Variants in PTPRN2 observed in about 807,000 individuals in gnomAD.
PTPRN2 encodes receptor-type tyrosine-protein phosphatase N2.
In PTPRN2, 74 loss-of-function variants were observed where a neutral mutation model predicts 118.8. That is an observed-to-expected ratio of 0.62 (90% confidence interval 0.52 to 0.76). The LOEUF (loss-of-function observed/expected upper bound fraction) is 0.76, where lower values mean the gene tolerates loss of function less well. Among genes scored for constraint, PTPRN2 ranks in the 30% least tolerant of loss-of-function variants. PTPRN2 has a pLI of 0.00. For synonymous variants in PTPRN2, 641 were observed against 608.0 expected (o/e 1.05, Z -0.80); for missense variants, 1,481 against 1,394.4 (o/e 1.06, Z -0.99).
At chr7:158,150,468 G>A (rs1161718637) in intron 6 of PTPRN2, among the ~76,000 whole-genome samples, 4 of 152,218 alleles carry the variant, frequency 2.6e-5, no homozygotes, top group African/African-American at 9.6e-5. Flanking sequence ...GCAGCAGGCG[G>A]ATGTTCCTGT....
Position 157,898,607 on chromosome 7 carries a change from G to A in PTPRN2, c.1788+66C>T, listed in dbSNP as rs921867615. ...CTGCAGGTCCAGCCTCTGTTCTCAC[G>A]GTGTTCGCCAGCACCCAGACAGCAC... On this transcript the variant is annotated intron_variant, in intron 12 of 22. Transcript: ENST00000389418. 96 of 1,453,656 alleles carry A rather than the reference G, an allele frequency of 6.6e-5. 2 individuals are homozygous for A. The Middle Eastern group carries it at 9.2e-4, about 14-fold the overall frequency. The allele number at this position is 1,453,656 out of a possible 1,614,324, so 90.0% of individuals were successfully genotyped here. A position where few individuals can be genotyped will look rare whatever the true frequency, so the allele number is the denominator to read the frequency against.
chr7:157,772,286 CACAA>C (rs1802906500), intron 12 of PTPRN2, among the ~76,000 whole-genome samples: 1 of 80,506 alleles, frequency 1.2e-5, no homozygotes, highest in Non-Finnish European at 2.1e-5. Flanking sequence ...TACACAGACA[CACAA>C]ACACACAGAC....
chr7:158,236,428 G>A lies in PTPRN2; in HGVS notation c.278-31155C>T, dbSNP rs553354577. Among the ~76,000 whole-genome samples, 146 of 152,264 alleles carry A rather than the reference G, an allele frequency of 9.6e-4. 1 individual carries two copies. Among genetic ancestry groups the A allele is most frequent in the Non-Finnish European group, 1.8e-3 (124 of 68,022 alleles). ...CATTCAGAAGCCACACCAGACAAAC[G>A]TTGAGGGGTGGGTAAGGCTGCCTGG... is the stretch of plus-strand genomic sequence containing the variant. On this transcript the variant is annotated intron_variant, in intron 3 of 22. Transcript: ENST00000389418.
At position 157,691,067 on chromosome 7, in the gene PTPRN2, T is replaced by TACC. The variant is rs1491213762; in HGVS notation, c.1789-8131_1789-8130insGGT. ...CCAGCCACCGGTTGCTATAGCGATG[T>TACC]CCCCCCCCCCCCCCACATGTTGCTG... is the stretch of plus-strand genomic sequence containing the variant. On this transcript the variant is annotated intron_variant, in intron 12 of 22. Transcript: ENST00000389418. Among the ~76,000 whole-genome samples the TACC allele has an allele frequency of 9.0e-5, 4 of 44,486 alleles. No individual in the cohort carries two copies. In the South Asian group the frequency reaches 2.3e-3, roughly 26 times the overall value. The allele number at this position is 44,486 out of a possible 152,430, so 29.2% of individuals were successfully genotyped here.
intron 21 of PTPRN2, among the ~76,000 whole-genome samples, chr7:157,554,700 C>G (rs534780557): frequency 6.6e-6 from 1 of 152,150 alleles, no homozygotes; most frequent in Non-Finnish European, 1.5e-5. Flanking sequence ...TGCAAACAGT[C>G]GAGGAGTCAG....
chr7:158,460,387 G>T (rs4313103), intron 2 of PTPRN2, among the ~76,000 whole-genome samples: 46 of 32,098 alleles, frequency 1.4e-3, no homozygotes, highest in Non-Finnish European at 2.4e-3. Flanking sequence ...TGCTACAGGG[G>T]CTGTGTGCCA....
At chr7:157,758,424 C>T (rs1347129173) in intron 12 of PTPRN2, among the ~76,000 whole-genome samples, 1 of 151,868 alleles carries the variant, frequency 6.6e-6, no homozygotes, top group Non-Finnish European at 1.5e-5. Flanking sequence ...TGGCACGAGG[C>T]CACACAGCTG....
chr7:157,622,755 A>G lies in PTPRN2; in HGVS notation c.2197-1246T>C, dbSNP rs999662152. 6.6e-6 allele frequency among the ~76,000 whole-genome samples: 1 copy of G among 152,136 alleles called. No individual in the cohort carries two copies. Among genetic ancestry groups the G allele is most frequent in the Non-Finnish European group, 1.5e-5 (1 of 68,026 alleles). On this transcript the variant is annotated intron_variant, in intron 14 of 22. Coordinates refer to ENST00000389418, the MANE Select transcript of PTPRN2 (RefSeq NM_002847.5). The surrounding 1 kb of genome is among the most constrained non-coding windows in gnomAD (Gnocchi z 5.3). The stretch of plus-strand genomic sequence containing the variant: ...CGCCTGGCTCAGGGTGGGCACTCTA[A>G]GGCCGTCTGTTGGGAGGTCCCAGGT...
At chr7:157,807,403 T>C (rs4716782) in intron 12 of PTPRN2, among the ~76,000 whole-genome samples, 49,993 of 152,076 alleles carry the variant, frequency 0.33, 9,908 homozygotes, top group African/African-American at 0.56. Context: ...AGAGCAGGAA[T>C]AGCACTCCCT....
At chr7:158,072,937 C>T (rs1002884170) in intron 11 of PTPRN2, among the ~76,000 whole-genome samples, 2 of 152,174 alleles carry the variant, frequency 1.3e-5, no homozygotes, top group African/African-American at 2.4e-5. Context: ...CCAAGGGGCC[C>T]ATAGGTATGG....
intron 2 of PTPRN2, among the ~76,000 whole-genome samples, chr7:158,322,764 G>A (rs1803145185): frequency 6.6e-6 from 1 of 152,270 alleles, no homozygotes; most frequent in Non-Finnish European, 1.5e-5. Context: ...CATCCCAGGA[G>A]CTAGAGGAGG....
chr7:158,031,679 T>G (rs191785966), intron 11 of PTPRN2, among the ~76,000 whole-genome samples: 1 of 152,336 alleles, frequency 6.6e-6, no homozygotes, highest in African/African-American at 2.4e-5. Flanking sequence ...TCAGCCACAC[T>G]TTCCAGAAGG....
At chr7:158,175,796 C>T (rs558029571) in intron 5 of PTPRN2, among the ~76,000 whole-genome samples, 1 of 152,256 alleles carries the variant, frequency 6.6e-6, no homozygotes, top group Admixed American at 6.5e-5. Flanking sequence ...AAATTTGTAG[C>T]GAGTTGACAG....
intron 21 of PTPRN2, among the ~76,000 whole-genome samples, chr7:157,558,666 G>A (rs1371074530): frequency 6.6e-6 from 1 of 152,246 alleles, no homozygotes; most frequent in Admixed American, 6.5e-5. Context: ...GAAGCATGCA[G>A]CCAGCTCCCC....
intron 3 of PTPRN2, among the ~76,000 whole-genome samples, chr7:158,255,702 G>A (rs533674956): frequency 5.9e-5 from 9 of 152,192 alleles, no homozygotes; most frequent in Non-Finnish European, 1.0e-4. Flanking sequence ...TGTGCTGTCC[G>A]CCGCACCCTT....
intron 2 of PTPRN2, among the ~76,000 whole-genome samples, chr7:158,441,257 G>A (rs1327067805): frequency 3.3e-5 from 3 of 90,010 alleles, no homozygotes; most frequent in Non-Finnish European, 5.9e-5. Flanking sequence ...TGATGGTGAT[G>A]GTGATGGTGA....
chr7:158,519,406 T>C lies in PTPRN2; in HGVS notation c.113-29621A>G, dbSNP rs141457311. On this transcript the variant is annotated intron_variant, in intron 1 of 22. Coordinates refer to ENST00000389418, the MANE Select transcript of PTPRN2 (RefSeq NM_002847.5). ...AGTCTATAAATAAGTAAAGAGGTGC[T>C]AGGGCTGAGTCAGAAGTGCCGATTC... 3.3e-5 allele frequency among the ~76,000 whole-genome samples: 5 copies of C among 152,234 alleles called. No homozygotes were observed. The East Asian group carries it at 7.7e-4, about 23-fold the overall frequency.
At chr7:158,068,026 C>T (rs912021580) in intron 11 of PTPRN2, among the ~76,000 whole-genome samples, 32 of 151,998 alleles carry the variant, frequency 2.1e-4, no homozygotes, top group Non-Finnish European at 3.2e-4. Flanking sequence ...ATGGCAGGAC[C>T]GGGTATGGGG....
chr7:158,085,631 C>T (rs536047551), intron 10 of PTPRN2, among the ~76,000 whole-genome samples: 3 of 127,074 alleles, frequency 2.4e-5, no homozygotes, highest in Non-Finnish European at 3.2e-5. Flanking sequence ...ACACCCTCGA[C>T]GCCCATCCAC....
Sources: gnomAD v4.1 joint callset for allele counts (sites outside exome capture counted in the v4.1 genomes callset) on GRCh38, gnomAD v4.1.1 for gene constraint, Gnocchi (gnomAD v3.1) non-coding constraint, MANE v1.5 for transcripts, NCBI Gene and HGNC (gene_info 2026-07-23, HGNC 2026-07-21) for gene names.